UNC79: variants seen among roughly 807,000 people sequenced by gnomAD.
UNC79 encodes protein unc-79 homolog.
Under a neutral mutation model 283.1 loss-of-function variants are expected in UNC79, and 37 were observed. The ratio of observed to expected loss-of-function variants is 0.13; its 90% CI spans 0.10 to 0.17. The LOEUF is 0.17. UNC79 is among the 10% of genes least tolerant of loss of function. The pLI, the probability that UNC79 is intolerant of heterozygous loss-of-function variation, is 1.00. For missense variants in UNC79, 2,272 were observed against 3,211.1 expected (o/e 0.71, Z 7.07); for synonymous variants, 1,107 against 1,200.2 (o/e 0.92, Z 1.61).
intron 5 of UNC79, among the ~76,000 whole-genome samples, chr14:93,490,563 A>G (rs1460731406): frequency 6.6e-6 from 1 of 152,316 alleles, no homozygotes; most frequent in East Asian, 1.9e-4. Flanking sequence ...CATGAACACA[A>G]TTCAGCCAAG....
chr14:93,643,193 TACTG>T lies in UNC79; in HGVS notation c.5904-360_5904-357del, dbSNP rs559369574. Among the ~76,000 whole-genome samples the T allele has an allele frequency of 4.1e-3, 628 of 152,368 alleles. 4 individuals are homozygous for T. The highest frequency in any genetic ancestry group is 0.015 in the African/African-American group (603 of 41,584). On this transcript the variant is annotated intron_variant, in intron 33 of 48. Coordinates refer to ENST00000555664, the Ensembl canonical transcript of UNC79. ...TCAACAAATTAAAAACAAATCTAGT[TACTG>T]ACTTTCCTCAGCAATAATGTCAAAT...
intron 14 of UNC79, among the ~76,000 whole-genome samples, chr14:93,553,058 T>C (rs2061977697): frequency 6.6e-6 from 1 of 152,260 alleles, no homozygotes; most frequent in Non-Finnish European, 1.5e-5. Flanking sequence ...GTTTCCCCAG[T>C]TGTGTCCTGT....
chr14:93,469,989 C>T (rs565530483), intron 2 of UNC79, among the ~76,000 whole-genome samples: 1 of 152,200 alleles, frequency 6.6e-6, no homozygotes, highest in African/African-American at 2.4e-5. Flanking sequence ...TTTTCTACTG[C>T]AAAATTATTA....
In UNC79 at chr14:93,621,654, G is replaced by C; in HGVS notation, c.4421G>C (p.Gly1474Ala). Residue 1474 changes from glycine to alanine, a missense_variant, in exon 30 of 49, where the codon GGT (glycine) becomes GCT (alanine). Gly to Ala is a moderately conservative substitution (Grantham distance 60, BLOSUM62 0). Around this residue, in one of 11 missense-constraint regions of UNC79, gnomAD observed 580 missense variants for 632.2 expected, o/e 0.92. Coordinates refer to ENST00000555664, the Ensembl canonical transcript of UNC79. This position sits in a 1 kb window ranked among gnomAD's most constrained non-coding sequence, Gnocchi z 4.8. ...GAACTGGCTGAATATAGAGAGACGG[G>C]TGCATTACAAGACAGCCTTCTCCAC... is the stretch of plus-strand genomic sequence containing the variant. 1 of 1,596,734 alleles carries C rather than the reference G, an allele frequency of 6.3e-7. No individual in the cohort carries two copies. Among genetic ancestry groups the C allele is most frequent in the South Asian group, 1.1e-5 (1 of 88,280 alleles).
At chr14:93,613,738 G>A (rs557063653) in intron 27 of UNC79, among the ~76,000 whole-genome samples, 30 of 152,178 alleles carry the variant, frequency 2.0e-4, no homozygotes, top group African/African-American at 6.3e-4. Context: ...CTAGATCACT[G>A]TGCCTATTTT....
In UNC79 at chr14:93,335,515, A is replaced by G. The variant is rs1334236872; in HGVS notation, c.-351+1992A>G. Reference sequence around the variant, plus strand: ...GGCTAGTGTTAAGATGGTACTAAGTAGTGGTTAACAGCATGCATTCTAGAA... The same window carrying G: ...GGCTAGTGTTAAGATGGTACTAAGTGGTGGTTAACAGCATGCATTCTAGAA... On this transcript the variant is annotated intron_variant, in intron 1 of 49. Coordinates refer to the UNC79 transcript ENST00000256339. 6.6e-5 allele frequency among the ~76,000 whole-genome samples: 10 copies of G among 152,400 alleles called. No individual in the cohort carries two copies. In the East Asian group the frequency reaches 1.9e-3, roughly 29 times the overall value.
At chr14:93,353,816 A>G (rs1213980227) in intron 1 of UNC79, among the ~76,000 whole-genome samples, 1 of 152,238 alleles carries the variant, frequency 6.6e-6, no homozygotes, top group African/African-American at 2.4e-5. Flanking sequence ...TGAAGAACCA[A>G]AAAGAAAAAG....
chr14:93,484,648 A>C (rs564019263), intron 4 of UNC79, among the ~76,000 whole-genome samples: 1 of 152,220 alleles, frequency 6.6e-6, no homozygotes, highest in Non-Finnish European at 1.5e-5. Context: ...TTGATTAATT[A>C]TCTTCTCCCT....
chr14:93,333,642 A>G (rs71429792), intron 1 of UNC79: 8,413 of 386,216 alleles, frequency 0.022, 129 homozygotes, highest in Non-Finnish European at 0.031. Context: ...CTGTAAACAA[A>G]GGACAAAATT....
intron 1 of UNC79, among the ~76,000 whole-genome samples, chr14:93,425,086 G>C (rs1042318476): frequency 6.6e-6 from 1 of 152,098 alleles, no homozygotes; most frequent in African/African-American, 2.4e-5. Flanking sequence ...CCTGAGACTG[G>C]GTAATTTATA....
chr14:93,475,867 C>T (rs1475502856), intron 3 of UNC79, among the ~76,000 whole-genome samples: 1 of 152,122 alleles, frequency 6.6e-6, no homozygotes, highest in Non-Finnish European at 1.5e-5. Flanking sequence ...TGTATTTTTG[C>T]TCTTGTACCT....
intron 38 of UNC79, 22 bp from the exon 42 acceptor site, chr14:93,659,171 T>C: frequency 6.3e-7 from 1 of 1,577,796 alleles, no homozygotes; most frequent in South Asian, 1.2e-5. Flanking sequence ...TAATTTTTAC[T>C]TTTTTTCATA....
chr14:93,686,601 G>A, exon 43 of UNC79: 4 of 1,614,170 alleles, frequency 2.5e-6, no homozygotes, highest in Admixed American at 1.7e-5. Context: ...AGTGTGTGAG[G>A]CAGTACATCA....
chr14:93,542,468 G>T, exon 14 of UNC79: 1 of 1,613,008 alleles, frequency 6.2e-7, no homozygotes. Context: ...ACTTCTAGGT[G>T]AGCCTCTGCA....
At chr14:93,476,902 C>A (rs573685820) in intron 3 of UNC79, among the ~76,000 whole-genome samples, 2 of 152,232 alleles carry the variant, frequency 1.3e-5, no homozygotes, top group East Asian at 3.9e-4. Context: ...ATGTGCTATG[C>A]TAAGGACTTT....
chr14:93,692,025 T>C, intron 46 of UNC79, 79 bp downstream of exon 49: 2 of 1,502,484 alleles, frequency 1.3e-6, no homozygotes, highest in South Asian at 2.3e-5. Context: ...CACTCCCTGT[T>C]TTCACAGATC....
intron 1 of UNC79, among the ~76,000 whole-genome samples, chr14:93,414,081 T>C (rs2055398839): frequency 6.6e-6 from 1 of 152,118 alleles, no homozygotes; most frequent in Non-Finnish European, 1.5e-5. Context: ...CTTTTGGTGT[T>C]TTAGACACGA....
At chr14:93,599,388 G>A (rs1025146643) in intron 24 of UNC79, among the ~76,000 whole-genome samples, 2 of 151,774 alleles carry the variant, frequency 1.3e-5, no homozygotes, top group African/African-American at 4.9e-5. Context: ...GTGTGTGTAT[G>A]TGTGCATACA....
chr14:93,498,304 A>G (rs908482031), intron 7 of UNC79, among the ~76,000 whole-genome samples: 1 of 151,400 alleles, frequency 6.6e-6, no homozygotes, highest in Non-Finnish European at 1.5e-5. Context: ...AAAATAAAAA[A>G]TAGGTCAGGC....
Sources: allele counts gnomAD v4.1 joint callset (sites outside exome capture counted in the v4.1 genomes callset), GRCh38; gene constraint gnomAD v4.1.1; regional missense constraint gnomAD v4.1.1; non-coding constraint Gnocchi (gnomAD v3.1); transcripts MANE v1.5; gene names NCBI Gene and HGNC (gene_info 2026-07-23, HGNC 2026-07-21).